The following ANKRD30A variants were observed in gnomAD, a reference collection of about 807,000 sequenced individuals.
ANKRD30A encodes ankyrin repeat domain 30A, also known as ankyrin repeat domain-containing protein 30A.
ANKRD30A carries 170 observed loss-of-function variants against 166.3 expected under a neutral mutation model. The observed-to-expected ratio is 1.02, with a 90% CI of 0.90 to 1.16. ANKRD30A has a LOEUF of 1.16. Ranked by LOEUF, ANKRD30A falls within the 50% of genes most tolerant of loss-of-function variation. The probability of loss-of-function intolerance (pLI) is 0.00; values close to 1 mark genes in which losing one functional copy is unlikely to be tolerated. For missense variants in ANKRD30A, 1,630 were observed against 1,518.0 expected, an observed-to-expected ratio of 1.07 and a Z score of -1.23; for synonymous variants, 564 against 508.9, an observed-to-expected ratio of 1.11 and a Z score of -1.46.
At chr10:37,136,214 ATAG>A (rs1398364773) in intron 5 of ANKRD30A, among the ~76,000 whole-genome samples, 1 of 152,314 alleles carries the variant, frequency 6.6e-6, no homozygotes, top group Non-Finnish European at 1.5e-5. Flanking sequence ...GATCTTTATA[ATAG>A]TCTAGTGAAA....
At chr10:37,246,813 A>G in the ANKRD30A span, among the ~76,000 whole-genome samples, 40 of 152,270 alleles carry the variant, frequency 2.6e-4, no homozygotes, top group African/African-American at 8.2e-4. Context: ...TCCCTTGTAC[A>G]TTGTAGGATG....
chr10:37,161,104 A>T (rs1015440502), intron 15 of ANKRD30A, among the ~76,000 whole-genome samples: 1 of 152,158 alleles, frequency 6.6e-6, no homozygotes, highest in Non-Finnish European at 1.5e-5. Context: ...ATACAAAAAA[A>T]TTAGTCGGAC....
chr10:37,199,795 T>C lies in ANKRD30A; in HGVS notation c.2778+7T>C, dbSNP rs1315643562. On this transcript the variant is annotated splice_region_variant and intron_variant, in intron 30 of 35. Coordinates refer to ENST00000361713, the MANE Select transcript of ANKRD30A (RefSeq NM_052997.3). ...AAATTCTTGGGATTCTGAGGTACTA[T>C]GTGTTATTGATTTTTTTAAATATTA... 1.3e-6 allele frequency: 2 copies of C among 1,529,112 alleles called. No homozygotes were observed. 94.7% of individuals were successfully genotyped at this position (1,529,112 alleles called of 1,614,324 possible). A position where few individuals can be genotyped will look rare whatever the true frequency, so the allele number is the denominator to read the frequency against.
At chr10:37,159,734 C>G (rs1838699160) in intron 15 of ANKRD30A, among the ~76,000 whole-genome samples, 1 of 151,730 alleles carries the variant, frequency 6.6e-6, no homozygotes, top group South Asian at 2.1e-4. Flanking sequence ...TTTTTGAGAT[C>G]ACCCAGGCTG....
chr10:37,145,179 T>A (rs1046654120), intron 8 of ANKRD30A, 123 bp downstream of exon 8: 1 of 734,204 alleles, frequency 1.4e-6, no homozygotes, highest in African/African-American at 1.9e-5. Flanking sequence ...ATTCTGATAT[T>A]TCTAAAAACA....
At chr10:37,154,163 A>G (rs1332769168) in intron 13 of ANKRD30A, among the ~76,000 whole-genome samples, 1 of 152,210 alleles carries the variant, frequency 6.6e-6, no homozygotes, top group Admixed American at 6.5e-5. Context: ...GGAAGCCATT[A>G]GGGATGGAAG....
chr10:37,167,303 G>T (rs1428812315), intron 19 of ANKRD30A, among the ~76,000 whole-genome samples: 113 of 118,468 alleles, frequency 9.5e-4, no homozygotes, highest in African/African-American at 3.5e-3. Context: ...TATATATATA[G>T]ATGTGTGCAT....
intron 17 of ANKRD30A, 128 bp from the exon 18 acceptor site, chr10:37,164,966 A>G: frequency 1.0e-6 from 1 of 979,162 alleles, no homozygotes; most frequent in Non-Finnish European, 1.6e-6. Flanking sequence ...ATTGTAATCA[A>G]CAAAAAGAAC....
chr10:37,194,557 G>A (rs1372838984), intron 27 of ANKRD30A, among the ~76,000 whole-genome samples: 4 of 151,986 alleles, frequency 2.6e-5, no homozygotes, highest in Admixed American at 6.6e-5. Flanking sequence ...AGCCAGGATG[G>A]TCTGATCCGG....
chr10:37,157,096 G>C (rs1564501456), intron 13 of ANKRD30A, among the ~76,000 whole-genome samples: 1 of 152,106 alleles, frequency 6.6e-6, no homozygotes, highest in Non-Finnish European at 1.5e-5. Flanking sequence ...GATTAAACAT[G>C]TTTGATTAAT....
rs987668314 is a variant in ANKRD30A, at chr10:37,133,819, T to C, written c.618-97T>C. On this transcript the variant is annotated intron_variant, in intron 4 of 35. Coordinates refer to ENST00000361713, the MANE Select transcript of ANKRD30A (RefSeq NM_052997.3). ...AACACTTGAGCACTCAAGATACTTA[T>C]GTTTGTTGGTACATGTAAATGGTTA... The C allele has an allele frequency of 4.3e-6, 6 of 1,396,338 alleles. No homozygotes were observed. The African/African-American group carries it at 5.7e-5, about 13-fold the overall frequency. The allele number at this position is 1,396,338 out of a possible 1,614,324, so 86.5% of individuals were successfully genotyped here. A position where few individuals can be genotyped will look rare whatever the true frequency, so the allele number is the denominator to read the frequency against.
intron 19 of ANKRD30A, among the ~76,000 whole-genome samples, chr10:37,167,633 C>T (rs145088275): frequency 0.014 from 2,174 of 151,720 alleles, 73 homozygotes; most frequent in African/African-American, 0.05. Flanking sequence ...TTTGCCATTC[C>T]TGATGAGATT....
intron 1 of ANKRD30A, among the ~76,000 whole-genome samples, chr10:37,126,316 T>C (rs1182523677): frequency 6.6e-6 from 1 of 152,230 alleles, no homozygotes; most frequent in Non-Finnish European, 1.5e-5. Flanking sequence ...TTTAAAGTGA[T>C]TTAACTCACA....
At position 37,152,054 on chromosome 10, in the gene ANKRD30A, T is replaced by C. The variant is rs764180219; in HGVS notation, c.1646-6T>C. 1 of 1,605,436 alleles carries C rather than the reference T, an allele frequency of 6.2e-7. No individual in the cohort carries two copies. Among genetic ancestry groups the C allele is most frequent in the Admixed American group, 1.7e-5 (1 of 59,322 alleles). On this transcript the variant is annotated splice_polypyrimidine_tract_variant and splice_region_variant and intron_variant, in intron 11 of 35. Coordinates refer to ENST00000361713, the MANE Select transcript of ANKRD30A (RefSeq NM_052997.3). ...CATGAATGTTTCTGTGATTAACCTTTTATAGATCCGATGTTCCCACCAGAA... is the reference window on the plus strand; with the variant it reads ...CATGAATGTTTCTGTGATTAACCTTCTATAGATCCGATGTTCCCACCAGAA...
At chr10:37,132,393 G>A (rs755338703) in intron 4 of ANKRD30A, 47 bp downstream of exon 4, 2 of 1,104,758 alleles carry the variant, frequency 1.8e-6, no homozygotes, top group Admixed American at 2.4e-5. Flanking sequence ...TAGTGTTCTA[G>A]AGTAATAACA....
At chr10:37,153,697 C>G (rs763959351) in intron 13 of ANKRD30A, 35 bp downstream of exon 13, 2 of 1,607,068 alleles carry the variant, frequency 1.2e-6, no homozygotes, top group Non-Finnish European at 1.7e-6. Flanking sequence ...ATCAGTTGAC[C>G]GAATATTTCT....
intron 18 of ANKRD30A, 118 bp downstream of exon 18, chr10:37,165,273 T>A (rs1839226733): frequency 3.1e-6 from 3 of 963,286 alleles, no homozygotes; most frequent in Admixed American, 2.4e-5. Flanking sequence ...TTATTTTTGA[T>A]GTTTTTCAGT....
At chr10:37,216,638 C>T (rs1480571801) in intron 32 of ANKRD30A, among the ~76,000 whole-genome samples, 1 of 151,020 alleles carries the variant, frequency 6.6e-6, no homozygotes. Context: ...TTTGGAAATC[C>T]CATTACTTAC....
Position 37,153,753 on chromosome 10 carries a change from C to A in ANKRD30A, c.1798+91C>A, listed in dbSNP as rs142425371. On this transcript the variant is annotated intron_variant, in intron 13 of 35. Coordinates refer to ENST00000361713, the MANE Select transcript of ANKRD30A (RefSeq NM_052997.3). Reference sequence around the variant, plus strand: ...ATCCTCTAGTAGCTGAAGAAAATTACCTCCTAAATGCAAACCATGGAAAAA... The same window carrying A: ...ATCCTCTAGTAGCTGAAGAAAATTAACTCCTAAATGCAAACCATGGAAAAA... 2.4e-3 allele frequency: 3,635 copies of A among 1,538,686 alleles called. 73 individuals are homozygous for A. The African/African-American group carries it at 0.045, about 19-fold the overall frequency.
Sources: allele counts gnomAD v4.1 joint callset (sites outside exome capture counted in the v4.1 genomes callset), GRCh38; gene constraint gnomAD v4.1.1; transcripts MANE v1.5; gene names NCBI Gene and HGNC (gene_info 2026-07-23, HGNC 2026-07-21).